Variants in FAM168B observed in about 807,000 individuals in gnomAD.
FAM168B encodes the protein family with sequence similarity 168 member B, also known as myelin-associated neurite-outgrowth inhibitor.
Under a neutral mutation model 21.8 loss-of-function variants are expected in FAM168B, and 19 were observed. The observed-to-expected ratio is 0.87, with a 90% CI of 0.61 to 1.28. FAM168B has a LOEUF of 1.28. Among genes scored for constraint, FAM168B ranks in the 50% most tolerant of loss-of-function variants. FAM168B has a pLI of 0.00. For missense variants in FAM168B, 233 were observed against 263.1 expected (o/e 0.89, Z 0.79); for synonymous variants, 126 against 104.8 (o/e 1.20, Z -1.24).
At chr2:131,075,328 C>T (rs1383164032) in intron 2 of FAM168B, among the ~76,000 whole-genome samples, 1 of 151,814 alleles carries the variant, frequency 6.6e-6, no homozygotes, top group Non-Finnish European at 1.5e-5. Flanking sequence ...ATCCTGTAGG[C>T]CTCTGCAATA....
intron 5 of FAM168B, among the ~76,000 whole-genome samples, chr2:131,053,877 C>CA (rs987969549): frequency 6.7e-6 from 1 of 149,854 alleles, no homozygotes; most frequent in East Asian, 2.0e-4. Flanking sequence ...CCTGTCTCAA[C>CA]AAAAAAAAGT....
At position 131,048,091 on chromosome 2, in the gene FAM168B, G is replaced by T; in HGVS notation, c.*4374C>A. ...TAAGTTCAATGCAGAGGTGAGGGAT[G>T]CCTTTAACACTGGAAGACAATGCTG... On this transcript the variant is annotated 3_prime_UTR_variant, in exon 7 of 7. Coordinates refer to ENST00000389915, the MANE Select transcript of FAM168B (RefSeq NM_001009993.4). 1.1e-6 allele frequency: 1 copy of T among 897,892 alleles called. No individual in the cohort carries two copies. The highest frequency in any genetic ancestry group is 1.5e-6 in the Non-Finnish European group (1 of 675,446). The allele number at this position is 897,892 out of a possible 1,614,324, so 55.6% of individuals were successfully genotyped here. A position where few individuals can be genotyped will look rare whatever the true frequency, so the allele number is the denominator to read the frequency against.
At chr2:131,064,676 G>A (rs1692467286) in intron 3 of FAM168B, among the ~76,000 whole-genome samples, 1 of 151,992 alleles carries the variant, frequency 6.6e-6, no homozygotes, top group Admixed American at 6.6e-5. Flanking sequence ...AAAATCCCCC[G>A]CCAAAACCAG....
chr2:131,060,488 A>C (rs977496637), intron 3 of FAM168B, among the ~76,000 whole-genome samples: 1 of 152,246 alleles, frequency 6.6e-6, no homozygotes, highest in Non-Finnish European at 1.5e-5. Flanking sequence ...GAAAGAGATA[A>C]GAGACATAAA....
At chr2:131,083,828 T>C (rs1481684647) in intron 1 of FAM168B, among the ~76,000 whole-genome samples, 4 of 152,108 alleles carry the variant, frequency 2.6e-5, no homozygotes, top group Non-Finnish European at 4.4e-5. Flanking sequence ...TGAACAGTGA[T>C]TGACTCTAGA....
chr2:131,084,729 T>C (rs1477033252), intron 1 of FAM168B, among the ~76,000 whole-genome samples: 2 of 152,126 alleles, frequency 1.3e-5, no homozygotes, highest in Non-Finnish European at 2.9e-5. Flanking sequence ...CTCCTCTGAA[T>C]CTTATCCAGG....
intron 3 of FAM168B, among the ~76,000 whole-genome samples, chr2:131,068,825 A>G (rs116824454): frequency 0.014 from 2,189 of 152,280 alleles, 55 homozygotes; most frequent in African/African-American, 0.049. Context: ...CGACCAGCCT[A>G]GACAACATAG....
rs1691628051 is a variant in FAM168B, at chr2:131,050,911, C to G, written c.*1554G>C. The G allele has an allele frequency of 1.0e-6, 1 of 985,742 alleles. No individual in the cohort carries two copies. Among genetic ancestry groups the G allele is most frequent in the African/African-American group, 1.7e-5 (1 of 57,240 alleles). The allele number at this position is 985,742 out of a possible 1,614,324, so 61.1% of individuals were successfully genotyped here. ...AGAGGCCGCTGAAAGGGACCCAGGC[C>G]TTACATCCCCCACCCCCACTCTGAC... On this transcript the variant is annotated 3_prime_UTR_variant, in exon 7 of 7. Coordinates refer to ENST00000389915, the MANE Select transcript of FAM168B (RefSeq NM_001009993.4).
chr2:131,090,609 T>TA (rs1487284109), intron 1 of FAM168B, among the ~76,000 whole-genome samples: 1 of 151,994 alleles, frequency 6.6e-6, no homozygotes, highest in African/African-American at 2.4e-5. Context: ...CAAGTGCCTG[T>TA]AACACCAGTG....
At position 131,049,443 on chromosome 2, in the gene FAM168B, A is replaced by G; in HGVS notation, c.*3022T>C. 4.1e-6 allele frequency: 4 copies of G among 985,444 alleles called. No individual in the cohort carries two copies. The highest frequency in any genetic ancestry group is 4.8e-6 in the Non-Finnish European group (4 of 829,942). 61.0% of individuals were successfully genotyped at this position (985,444 alleles called of 1,614,324 possible). A position where few individuals can be genotyped will look rare whatever the true frequency, so the allele number is the denominator to read the frequency against. On this transcript the variant is annotated 3_prime_UTR_variant, in exon 7 of 7. Transcript: ENST00000389915. ...TCTTAACAGATGGCTCACGAGAGAC[A>G]TAAAAGGTTCTGGAAGTGCCTTCAG...
At chr2:131,074,397 G>A (rs1178331690) in intron 2 of FAM168B, among the ~76,000 whole-genome samples, 1 of 152,152 alleles carries the variant, frequency 6.6e-6, no homozygotes, top group African/African-American at 2.4e-5. Context: ...AAAGTGCTGG[G>A]ATTACAGGTG....
Position 131,049,950 on chromosome 2 carries a change from C to A in FAM168B, c.*2515G>T. 1.0e-6 allele frequency: 1 copy of A among 985,516 alleles called. No individual in the cohort carries two copies. The highest frequency in any genetic ancestry group is 1.2e-6 in the Non-Finnish European group (1 of 829,950). 61.0% of individuals were successfully genotyped at this position (985,516 alleles called of 1,614,324 possible). A position where few individuals can be genotyped will look rare whatever the true frequency, so the allele number is the denominator to read the frequency against. On this transcript the variant is annotated 3_prime_UTR_variant, in exon 7 of 7. Coordinates refer to ENST00000389915, the MANE Select transcript of FAM168B (RefSeq NM_001009993.4). The stretch of plus-strand genomic sequence containing the variant: ...ACTATTTCCTAAGTCCAGATTCTTA[C>A]CTGATATCTACCTTTCGTATCTGAC...
At chr2:131,079,698 T>C (rs1693336750) in intron 2 of FAM168B, among the ~76,000 whole-genome samples, 1 of 152,074 alleles carries the variant, frequency 6.6e-6, no homozygotes. Context: ...ACCCACCAAG[T>C]TTGTGGTTAC....
intron 3 of FAM168B, among the ~76,000 whole-genome samples, chr2:131,068,162 C>CT (rs1692672615): frequency 6.6e-6 from 1 of 152,060 alleles, no homozygotes; most frequent in Non-Finnish European, 1.5e-5. Flanking sequence ...AAGACTTTTT[C>CT]TTTTTTCTTT....
intron 1 of FAM168B, among the ~76,000 whole-genome samples, chr2:131,089,631 T>C (rs1376291106): frequency 6.7e-6 from 1 of 148,766 alleles, no homozygotes; most frequent in African/African-American, 2.5e-5. Flanking sequence ...GGCAGGAGAA[T>C]GGTGTGAACC....
intron 1 of FAM168B, among the ~76,000 whole-genome samples, chr2:131,089,076 CCT>C (rs1026590698): frequency 6.6e-6 from 1 of 151,912 alleles, no homozygotes; most frequent in African/African-American, 2.4e-5. Context: ...AAGCGATTCT[CCT>C]GTCTCAGCCT....
At position 131,051,433 on chromosome 2, in the gene FAM168B, GA is replaced by G. The variant is rs1236033847; in HGVS notation, c.*1031del. ...GAAACCTTTGCCCTTCTTTGTTGGG[GA>G]AAAACAGCAATGCCTACCTGTTTTC... On this transcript the variant is annotated 3_prime_UTR_variant, in exon 7 of 7. Coordinates refer to ENST00000389915, the MANE Select transcript of FAM168B (RefSeq NM_001009993.4). 1 of 983,852 alleles carries G rather than the reference GA, an allele frequency of 1.0e-6. No individual in the cohort carries two copies. Among genetic ancestry groups the G allele is most frequent in the Non-Finnish European group, 1.2e-6 (1 of 829,726 alleles). The allele number at this position is 983,852 out of a possible 1,614,324, so 60.9% of individuals were successfully genotyped here. A position where few individuals can be genotyped will look rare whatever the true frequency, so the allele number is the denominator to read the frequency against.
intron 1 of FAM168B, among the ~76,000 whole-genome samples, chr2:131,092,922 G>A (rs1220044462): frequency 6.6e-6 from 1 of 152,134 alleles, no homozygotes; most frequent in Non-Finnish European, 1.5e-5. Flanking sequence ...TCGCATTCCT[G>A]ACGGCTGTGA....
intron 1 of FAM168B, among the ~76,000 whole-genome samples, chr2:131,086,717 A>C (rs1026055015): frequency 6.6e-6 from 1 of 152,228 alleles, no homozygotes; most frequent in Non-Finnish European, 1.5e-5. Context: ...AAACATATAC[A>C]TAATAAGATT....
Sources: allele counts gnomAD v4.1 joint callset (sites outside exome capture counted in the v4.1 genomes callset), GRCh38; gene constraint gnomAD v4.1.1; transcripts MANE v1.5; gene names NCBI Gene and HGNC (gene_info 2026-07-23, HGNC 2026-07-21).